The following MAP4 variants were observed in gnomAD, a reference collection of about 807,000 sequenced individuals.
The protein encoded by MAP4 is microtubule-associated protein 4.
In MAP4, 76 loss-of-function variants were observed where a neutral mutation model predicts 170.2. The ratio of observed to expected loss-of-function variants is 0.45; its 90% CI spans 0.37 to 0.54. The LOEUF (loss-of-function observed/expected upper bound fraction) is 0.54, where lower values mean the gene tolerates loss of function less well. Among genes scored for constraint, MAP4 ranks in the 20% least tolerant of loss-of-function variants. The pLI is 0.00. For synonymous variants in MAP4, 909 were observed against 994.5 expected (o/e 0.91, Z 1.62); for missense variants, 2,506 against 2,748.0 (o/e 0.91, Z 1.97).
intron 2 of MAP4, among the ~76,000 whole-genome samples, chr3:47,996,562 A>G (rs1269049361): frequency 6.6e-6 from 1 of 152,206 alleles, no homozygotes; most frequent in Non-Finnish European, 1.5e-5. Flanking sequence ...ATAGAATTAA[A>G]GGGATTGAAG....
At chr3:47,928,726 G>A (rs1457219773) in intron 3 of MAP4, among the ~76,000 whole-genome samples, 1 of 151,822 alleles carries the variant, frequency 6.6e-6, no homozygotes, top group Non-Finnish European at 1.5e-5. Context: ...ACACTACAGA[G>A]TGACTTCTAG....
At chr3:48,068,681 G>A (rs2100139531) in intron 1 of MAP4, among the ~76,000 whole-genome samples, 1 of 152,314 alleles carries the variant, frequency 6.6e-6, no homozygotes, top group Non-Finnish European at 1.5e-5. Flanking sequence ...CTACTCGGAA[G>A]GCAGAGGCAG....
intron 1 of MAP4, among the ~76,000 whole-genome samples, chr3:48,059,984 A>AC (rs1164668365): frequency 6.6e-6 from 1 of 151,952 alleles, no homozygotes; most frequent in African/African-American, 2.4e-5. Context: ...AAAAAAAAAA[A>AC]AAACTTTTGA....
intron 3 of MAP4, among the ~76,000 whole-genome samples, chr3:47,939,848 T>G (rs2100055216): frequency 1.3e-5 from 2 of 152,138 alleles, no homozygotes; most frequent in Admixed American, 6.6e-5. Context: ...TTTCATTTTT[T>G]TAAAAATTTT....
upstream of MAP4, among the ~76,000 whole-genome samples, chr3:48,016,792 T>TTG (rs397952133): frequency 5.9e-4 from 90 of 151,862 alleles, no homozygotes; most frequent in Admixed American, 1.5e-3. Flanking sequence ...TTTTTTTTTT[T>TTG]GAGACAGGGT....
In MAP4 at chr3:48,011,401, G is replaced by A. The variant is rs115794248; in HGVS notation, c.-20+4933C>T. On this transcript the variant is annotated intron_variant, in intron 1 of 20. Coordinates refer to ENST00000683076, the MANE Select transcript of MAP4 (RefSeq NM_001385682.1). ...AAAACAGAATAACTAGCTGGGCACT[G>A]ATTTTTATTATTTAGATGGTATGCA... Among the ~76,000 whole-genome samples the A allele has an allele frequency of 4.1e-3, 624 of 152,070 alleles. 6 individuals carry two copies. The highest frequency in any genetic ancestry group is 0.014 in the African/African-American group (595 of 41,510).
chr3:47,913,663 C>T (rs1416836196), intron 8 of MAP4, among the ~76,000 whole-genome samples: 1 of 152,006 alleles, frequency 6.6e-6, no homozygotes, highest in East Asian at 1.9e-4. Context: ...CTTGATAAAT[C>T]TTTACTGATT....
At chr3:47,946,973 C>G (rs2100060434) in intron 3 of MAP4, among the ~76,000 whole-genome samples, 1 of 152,128 alleles carries the variant, frequency 6.6e-6, no homozygotes, top group Non-Finnish European at 1.5e-5. Flanking sequence ...AAACTGTATT[C>G]ATATCCACGC....
At chr3:47,957,211 A>G (rs1404398536) in intron 3 of MAP4, among the ~76,000 whole-genome samples, 1 of 152,116 alleles carries the variant, frequency 6.6e-6, no homozygotes, top group African/African-American at 2.4e-5. Flanking sequence ...TCTGTCGCCC[A>G]GTCTGGAGTG....
intron 1 of MAP4, among the ~76,000 whole-genome samples, chr3:48,033,792 A>AT (rs916697884): frequency 2.0e-5 from 3 of 151,684 alleles, no homozygotes; most frequent in South Asian, 2.1e-4. Flanking sequence ...GTAAAGACGG[A>AT]TTTTTTCACT....
intron 10 of MAP4, among the ~76,000 whole-genome samples, chr3:47,886,529 C>G (rs1307679184): frequency 6.6e-6 from 1 of 152,144 alleles, no homozygotes; most frequent in South Asian, 2.1e-4. Context: ...TCTCAAACTC[C>G]TGGCCTCAAG....
chr3:48,004,031 C>A (rs1400745792), intron 1 of MAP4, among the ~76,000 whole-genome samples: 1 of 152,118 alleles, frequency 6.6e-6, no homozygotes, highest in African/African-American at 2.4e-5. Context: ...TTTGTGGGAC[C>A]CTGTGATTGT....
In MAP4 at chr3:47,867,248, T is replaced by G. The variant is rs1212693198; in HGVS notation, c.6499A>C (p.Asn2167His). The G allele has an allele frequency of 6.2e-7, 1 of 1,606,856 alleles. No homozygotes were observed. The highest frequency in any genetic ancestry group is 2.2e-5 in the East Asian group (1 of 44,838). ...AGCTAACCAGAGCTTATACTTACAT[T>G]ACCACCTCCAGGGACATGCTTAATA... ...DNIKHVPGGG[N>H]VQIQNKKVDI... The change falls in exon 17 of 21, where the codon AAT becomes CAT. Residue 2167 changes from asparagine to histidine, a missense_variant and splice_region_variant. Asn to His is a moderately conservative substitution (Grantham distance 68). Transcript: ENST00000683076.
At chr3:47,914,135 A>G (rs930290686) in intron 8 of MAP4, among the ~76,000 whole-genome samples, 4 of 152,186 alleles carry the variant, frequency 2.6e-5, no homozygotes, top group African/African-American at 9.7e-5. Context: ...ACATTTGACC[A>G]ATTAATTTAT....
intron 1 of MAP4, among the ~76,000 whole-genome samples, chr3:48,023,584 C>CA (rs1458261733): frequency 2.6e-5 from 4 of 152,198 alleles, no homozygotes; most frequent in African/African-American, 9.6e-5. Context: ...TCTAAGTCTG[C>CA]ATGTGCTGAC....
At chr3:47,964,572 T>C (rs2100073704) in intron 3 of MAP4, among the ~76,000 whole-genome samples, 2 of 152,208 alleles carry the variant, frequency 1.3e-5, no homozygotes, top group Non-Finnish European at 2.9e-5. Context: ...ATATCAATTC[T>C]ACATCCAAAT....
chr3:47,889,292 C>T (rs1000711979), intron 10 of MAP4, among the ~76,000 whole-genome samples: 1 of 152,218 alleles, frequency 6.6e-6, no homozygotes, highest in African/African-American at 2.4e-5. Flanking sequence ...GGCTTCATAT[C>T]TTTGTTTAAT....
chr3:47,909,105 T>A lies in MAP4; in HGVS notation c.5316A>T (p.Gly1772=), dbSNP rs1005242560. 6.2e-6 allele frequency: 10 copies of A among 1,613,870 alleles called. No homozygotes were observed. The highest frequency in any genetic ancestry group is 1.3e-5 in the African/African-American group (1 of 74,936). The change falls in exon 9 of 21, where the codon GGA becomes GGT. Residue 1772 remains glycine, a synonymous_variant. Coordinates refer to ENST00000683076, the MANE Select transcript of MAP4 (RefSeq NM_001385682.1). ...KGYMRPTKSR[G]LTPLLPKSTI... is the part of the protein sequence containing the mutation. ...TAGACTTTGGCAAAAGTGGAGTAAG[T>A]CCTCGGGACTTGGTGGGTCTCATGT...
chr3:47,950,522 T>A (rs2100063019), intron 3 of MAP4, among the ~76,000 whole-genome samples: 2 of 151,924 alleles, frequency 1.3e-5, no homozygotes, highest in African/African-American at 4.8e-5. Context: ...TAGCTGGAGG[T>A]GGCTCTAACA....
Sources: gnomAD v4.1 joint callset for allele counts (sites outside exome capture counted in the v4.1 genomes callset) on GRCh38, gnomAD v4.1.1 for gene constraint, MANE v1.5 for transcripts, NCBI Gene and HGNC (gene_info 2026-07-23, HGNC 2026-07-21) for gene names.